CSMD2: variants seen among roughly 807,000 people sequenced by gnomAD.
CSMD2 encodes the protein CUB and sushi domain-containing protein 2.
CSMD2 carries 130 observed loss-of-function variants against 398.5 expected under a neutral mutation model. That is an observed-to-expected ratio of 0.33 (90% confidence interval 0.28 to 0.38). CSMD2 has a LOEUF of 0.38. CSMD2 is among the 10% of genes least tolerant of loss of function. CSMD2 has a pLI of 1.00. For synonymous variants in CSMD2, 1,828 were observed against 1,908.5 expected (o/e 0.96, Z 1.10); for missense variants, 3,829 against 4,764.9 (o/e 0.80, Z 5.78).
At chr1:33,575,698 C>T (rs781581020) in intron 49 of CSMD2, among the ~76,000 whole-genome samples, 3 of 152,166 alleles carry the variant, frequency 2.0e-5, no homozygotes, top group African/African-American at 4.8e-5. Context: ...GGAAAAAAGA[C>T]TTGTCCTTGT....
chr1:33,630,673 A>G (rs1023158374), intron 32 of CSMD2, among the ~76,000 whole-genome samples: 7 of 152,234 alleles, frequency 4.6e-5, no homozygotes, highest in Non-Finnish European at 8.8e-5. Flanking sequence ...AGGGACTTCA[A>G]TTAATCCCCA....
Position 33,537,029 on chromosome 1 carries a change from C to G in CSMD2, c.9872G>C (p.Gly3291Ala), listed in dbSNP as rs1285240692. The change falls in exon 62 of 71, where the codon GGC (glycine) becomes GCC (alanine). Residue 3291 changes from glycine (G) to alanine (A), a missense_variant. Physicochemically the swap from Gly to Ala is moderately conservative, Grantham distance 60 (BLOSUM62 0). Coordinates refer to ENST00000373381, the MANE Select transcript of CSMD2 (RefSeq NM_001281956.2). This position sits in a 1 kb window ranked among gnomAD's most constrained non-coding sequence, Gnocchi z 4.6. Reference sequence around the variant, plus strand: ...CTTGGCTGACCTCCTTACCTGGTAGCCCTGAGAATTGTTCTGTATCCCAAA... The same window carrying G: ...CTTGGCTGACCTCCTTACCTGGTAGGCCTGAGAATTGTTCTGTATCCCAAA... ...PQFGIQNNSQ[G>A]YQVGSTVLFR... The G allele has an allele frequency of 1.5e-5, 25 of 1,614,148 alleles. No individual in the cohort carries two copies. The highest frequency in any genetic ancestry group is 2.7e-5 in the African/African-American group (2 of 75,026).
At chr1:33,701,863 A>T (rs1431511647) in intron 22 of CSMD2, among the ~76,000 whole-genome samples, 2 of 152,264 alleles carry the variant, frequency 1.3e-5, no homozygotes, top group African/African-American at 4.8e-5. Flanking sequence ...TTTATCATCA[A>T]TGGACTAGGA....
At chr1:33,822,308 G>T (rs775317346) in intron 7 of CSMD2, among the ~76,000 whole-genome samples, 7 of 152,136 alleles carry the variant, frequency 4.6e-5, no homozygotes, top group Non-Finnish European at 7.4e-5. Context: ...CCAGGGCCTG[G>T]GTACCTGTGA....
At chr1:33,574,131 G>C (rs1365851251) in intron 49 of CSMD2, among the ~76,000 whole-genome samples, 3 of 152,192 alleles carry the variant, frequency 2.0e-5, no homozygotes, top group Non-Finnish European at 4.4e-5. Context: ...TGCACCTCTT[G>C]TGAACCCTTT....
chr1:33,949,452 T>G (rs1644937464), intron 3 of CSMD2, among the ~76,000 whole-genome samples: 1 of 152,192 alleles, frequency 6.6e-6, no homozygotes, highest in Non-Finnish European at 1.5e-5. Flanking sequence ...GAGCGGTCTG[T>G]TGCTTTGAAT....
At chr1:33,987,986 G>A (rs986625592) in intron 3 of CSMD2, among the ~76,000 whole-genome samples, 11 of 152,070 alleles carry the variant, frequency 7.2e-5, no homozygotes, top group African/African-American at 2.7e-4. Context: ...CCCAAATCCA[G>A]TAGCTTTAGC....
intron 5 of CSMD2, among the ~76,000 whole-genome samples, chr1:33,874,518 T>C (rs1640698632): frequency 6.6e-6 from 1 of 152,248 alleles, no homozygotes; most frequent in South Asian, 2.1e-4. Context: ...GTATTTTGTG[T>C]GTGGAAGGGA....
intron 2 of CSMD2, among the ~76,000 whole-genome samples, chr1:34,057,436 G>C (rs1558312396): frequency 1.3e-5 from 2 of 152,088 alleles, no homozygotes; most frequent in Non-Finnish European, 2.9e-5. Context: ...AGAGTGGGAG[G>C]CTCCTGGTGG....
intron 53 of CSMD2, 133 bp downstream of exon 53, chr1:33,567,460 G>GA (rs11330003): frequency 7.2e-3 from 2,840 of 392,820 alleles, no homozygotes; most frequent in Middle Eastern, 9.9e-3. Context: ...TTTCAGTTTT[G>GA]AAAAAAAAAA....
chr1:33,568,133 TAAAA>T (rs1659232213), intron 52 of CSMD2, among the ~76,000 whole-genome samples: 5 of 145,426 alleles, frequency 3.4e-5, no homozygotes, highest in Admixed American at 2.1e-4. Flanking sequence ...AAGCCTTCTA[TAAAA>T]AAACAAACAA....
chr1:33,662,856 T>C (rs571257998), intron 26 of CSMD2, 34 bp downstream of exon 26: 1 of 1,594,460 alleles, frequency 6.3e-7, no homozygotes. Context: ...TGTCAGGACA[T>C]GTGGAGTGGG....
Position 33,739,329 on chromosome 1 carries a change from G to A in CSMD2, c.2179C>T (p.Arg727Ter), listed in dbSNP as rs746495395. 2.5e-6 allele frequency: 4 copies of A among 1,612,228 alleles called. No individual in the cohort carries two copies. The highest frequency in any genetic ancestry group is 1.1e-5 in the South Asian group (1 of 90,866). The change falls in exon 15 of 71, where the codon CGA becomes TGA. Residue 727 changes from arginine (R) to a stop codon, truncating the protein, a stop_gained. Coordinates refer to ENST00000373381, the MANE Select transcript of CSMD2 (RefSeq NM_001281956.2). LOFTEE classifies it high-confidence loss of function. ...RGFNITFTTF[R>*]HNECPDPGVP... ...CCAGGATCCGGGCACTCGTTGTGTCGGAAGGCTGTGTAGATGGAGTTCAAG... is the reference window on the plus strand; with the variant it reads ...CCAGGATCCGGGCACTCGTTGTGTCAGAAGGCTGTGTAGATGGAGTTCAAG...
intron 37 of CSMD2, among the ~76,000 whole-genome samples, chr1:33,618,406 G>C (rs72890866): frequency 0.01 from 1,583 of 152,188 alleles, 22 homozygotes; most frequent in African/African-American, 0.035. Context: ...TCAGTGATTT[G>C]AAGCAGGTCC....
chr1:33,973,099 T>G (rs1645831009), intron 3 of CSMD2, among the ~76,000 whole-genome samples: 1 of 152,188 alleles, frequency 6.6e-6, no homozygotes, highest in African/African-American at 2.4e-5. Context: ...GGCCCTGTCT[T>G]TCTTTAACCC....
chr1:33,976,498 G>A (rs1248095166), intron 3 of CSMD2, among the ~76,000 whole-genome samples: 2 of 152,106 alleles, frequency 1.3e-5, no homozygotes, highest in African/African-American at 2.4e-5. Flanking sequence ...CCTTCCTGGA[G>A]CACCATCTGA....
At chr1:33,832,535 A>T (rs1257800986) in intron 6 of CSMD2, among the ~76,000 whole-genome samples, 2 of 150,192 alleles carry the variant, frequency 1.3e-5, no homozygotes, top group African/African-American at 2.5e-5. Flanking sequence ...CTAAATGCCC[A>T]CAAGAGAAAG....
chr1:34,031,356 C>T (rs1338417760), intron 3 of CSMD2, among the ~76,000 whole-genome samples: 1 of 151,802 alleles, frequency 6.6e-6, no homozygotes, highest in Non-Finnish European at 1.5e-5. Context: ...AGCCACCACA[C>T]CCGGCTGAGA....
At chr1:34,070,236 T>G (rs1432468874) in intron 2 of CSMD2, among the ~76,000 whole-genome samples, 1 of 152,192 alleles carries the variant, frequency 6.6e-6, no homozygotes, top group Non-Finnish European at 1.5e-5. Flanking sequence ...TTCCTTTACT[T>G]CTTGCCTAAG....
Sources: allele counts gnomAD v4.1 joint callset (sites outside exome capture counted in the v4.1 genomes callset), GRCh38; gene constraint gnomAD v4.1.1; non-coding constraint Gnocchi (gnomAD v3.1); transcripts MANE v1.5; gene names NCBI Gene and HGNC (gene_info 2026-07-23, HGNC 2026-07-21).